Variants in CORIN observed in about 807,000 individuals in gnomAD.
The protein encoded by CORIN is corin, serine peptidase, also known as atrial natriuretic peptide-converting enzyme.
CORIN carries 117 observed loss-of-function variants against 125.3 expected under a neutral mutation model. The ratio of observed to expected loss-of-function variants is 0.93; its 90% CI spans 0.80 to 1.09. The LOEUF (loss-of-function observed/expected upper bound fraction) is 1.09. Among genes scored for constraint, CORIN ranks in the 50% least tolerant of loss-of-function variants. The pLI is 0.00. For synonymous variants in CORIN, 450 were observed against 466.4 expected (o/e 0.96, Z 0.45); for missense variants, 1,253 against 1,306.7 (o/e 0.96, Z 0.63).
chr4:47,687,185 C>T (rs550225189), intron 6 of CORIN, among the ~76,000 whole-genome samples: 1 of 152,190 alleles, frequency 6.6e-6, no homozygotes, highest in Non-Finnish European at 1.5e-5. Context: ...TCTGTTACTT[C>T]CCTAAGGTCT....
intron 4 of CORIN, among the ~76,000 whole-genome samples, chr4:47,747,241 G>A (rs1202540189): frequency 1.3e-5 from 2 of 151,766 alleles, no homozygotes; most frequent in African/African-American, 4.8e-5. Context: ...TAAGAAAATA[G>A]ATGAAAAAAA....
At chr4:47,745,276 T>A (rs1728610541) in intron 4 of CORIN, among the ~76,000 whole-genome samples, 1 of 152,232 alleles carries the variant, frequency 6.6e-6, no homozygotes, top group African/African-American at 2.4e-5. Context: ...GATGGGATAC[T>A]AACAAAGTCA....
At chr4:47,763,679 C>CA in intron 3 of CORIN, 93 bp from the exon 4 acceptor site, 1 of 1,143,396 alleles carries the variant, frequency 8.7e-7, no homozygotes, top group Non-Finnish European at 1.3e-6. Context: ...ATAAAGTATA[C>CA]TTATCACAAG....
At chr4:47,788,973 T>C (rs1302243927) in intron 2 of CORIN, among the ~76,000 whole-genome samples, 1 of 152,184 alleles carries the variant, frequency 6.6e-6, no homozygotes, top group Non-Finnish European at 1.5e-5. Context: ...ATTTTAATAT[T>C]TCCTTTATCA....
At chr4:47,794,684 G>A (rs1195538490) in intron 2 of CORIN, among the ~76,000 whole-genome samples, 1 of 152,092 alleles carries the variant, frequency 6.6e-6, no homozygotes, top group Non-Finnish European at 1.5e-5. Context: ...TTGAGATGAA[G>A]AATAGTTTGA....
At chr4:47,659,583 T>A (rs997115501) in intron 12 of CORIN, among the ~76,000 whole-genome samples, 1 of 152,054 alleles carries the variant, frequency 6.6e-6, no homozygotes, top group Non-Finnish European at 1.5e-5. Flanking sequence ...GGGGAAGAGA[T>A]GCTACAGCAC....
chr4:47,749,551 C>G (rs1446496092), intron 4 of CORIN, among the ~76,000 whole-genome samples: 1 of 152,214 alleles, frequency 6.6e-6, no homozygotes, highest in African/African-American at 2.4e-5. Flanking sequence ...TTTAATTCAC[C>G]TATGTGACAG....
At chr4:47,620,769 GT>G (rs2109547210) in intron 19 of CORIN, among the ~76,000 whole-genome samples, 1 of 152,286 alleles carries the variant, frequency 6.6e-6, no homozygotes, top group African/African-American at 2.4e-5. Context: ...TACATAGACT[GT>G]TTCACTTCCT....
intron 5 of CORIN, among the ~76,000 whole-genome samples, chr4:47,714,784 C>T (rs1453728594): frequency 6.6e-6 from 1 of 152,168 alleles, no homozygotes; most frequent in Non-Finnish European, 1.5e-5. Flanking sequence ...ACCCCTGATC[C>T]AGAAGAAGTT....
In CORIN at chr4:47,772,341, G is replaced by A. The variant is rs1038688811; in HGVS notation, c.410-8755C>T. On this transcript the variant is annotated intron_variant, in intron 3 of 21. Coordinates refer to ENST00000273857, the MANE Select transcript of CORIN (RefSeq NM_006587.4). ...AGAGGCAGATGAAGAATATTGAGGC[G>A]CCATTGGCGTGAAGGTAGCGGATTT... Among the ~76,000 whole-genome samples the A allele has an allele frequency of 5.3e-5, 8 of 152,252 alleles. No individual in the cohort carries two copies. In the South Asian group the frequency reaches 8.3e-4, roughly 16 times the overall value.
chr4:47,820,873 TTGAG>T (rs1560564653), intron 1 of CORIN, among the ~76,000 whole-genome samples: 2 of 152,240 alleles, frequency 1.3e-5, no homozygotes, highest in Non-Finnish European at 2.9e-5. Flanking sequence ...ATGCTATAGA[TTGAG>T]TCATACTTTT....
intron 16 of CORIN, among the ~76,000 whole-genome samples, chr4:47,634,515 T>C (rs926589893): frequency 5.3e-5 from 8 of 152,144 alleles, no homozygotes; most frequent in African/African-American, 1.9e-4. Flanking sequence ...GTGCCTGTAA[T>C]CCCAGCTACT....
intron 1 of CORIN, among the ~76,000 whole-genome samples, chr4:47,836,979 C>G (rs1202260396): frequency 1.3e-5 from 2 of 152,226 alleles, no homozygotes; most frequent in Non-Finnish European, 2.9e-5. Flanking sequence ...CTAATGACAC[C>G]GAAGGAGAGG....
chr4:47,815,862 T>A (rs964613616), intron 1 of CORIN, among the ~76,000 whole-genome samples: 1 of 152,202 alleles, frequency 6.6e-6, no homozygotes, highest in Non-Finnish European at 1.5e-5. Flanking sequence ...AAGAAAGCTA[T>A]GGCAAAATCC....
At position 47,623,069 on chromosome 4, in the gene CORIN, CCT is replaced by C. The variant is rs372736248; in HGVS notation, c.2540+500_2540+501del. ...GGAAACATAAAATGGCATAACATAA[CCT>C]CTCTCTCTCTCTCTCTCTCTCTCTC... On this transcript the variant is annotated intron_variant, in intron 19 of 21. Transcript: ENST00000273857. Among the ~76,000 whole-genome samples, 214 of 93,554 alleles carry C rather than the reference CCT, an allele frequency of 2.3e-3. 3 individuals are homozygous for C. Among genetic ancestry groups the C allele is most frequent in the African/African-American group, 6.2e-3 (110 of 17,876 alleles). 61.4% of individuals were successfully genotyped at this position (93,554 alleles called of 152,430 possible).
At chr4:47,709,437 C>T (rs1051933387) in intron 5 of CORIN, among the ~76,000 whole-genome samples, 5 of 152,048 alleles carry the variant, frequency 3.3e-5, no homozygotes, top group African/African-American at 1.2e-4. Context: ...GGACGACAGG[C>T]ACCCACCACC....
intron 4 of CORIN, among the ~76,000 whole-genome samples, chr4:47,747,211 A>G (rs1006702706): frequency 6.6e-6 from 1 of 152,104 alleles, no homozygotes; most frequent in Admixed American, 6.5e-5. Context: ...ATTGCAGCTG[A>G]TCTCAATTAA....
At chr4:47,611,644 G>A (rs1721874407) in intron 19 of CORIN, among the ~76,000 whole-genome samples, 1 of 152,182 alleles carries the variant, frequency 6.6e-6, no homozygotes, top group Non-Finnish European at 1.5e-5. Flanking sequence ...AATAGGAGTG[G>A]TAAGAGAGGG....
chr4:47,825,076 C>A (rs1244029609), intron 1 of CORIN, among the ~76,000 whole-genome samples: 1 of 152,330 alleles, frequency 6.6e-6, no homozygotes, highest in Non-Finnish European at 1.5e-5. Context: ...GTATTTTTAA[C>A]TGAGACTTGA....
Sources: gnomAD v4.1 joint callset for allele counts (sites outside exome capture counted in the v4.1 genomes callset) on GRCh38, gnomAD v4.1.1 for gene constraint, MANE v1.5 for transcripts, NCBI Gene and HGNC (gene_info 2026-07-23, HGNC 2026-07-21) for gene names.